Variants in RAB11FIP4 observed in about 807,000 individuals in gnomAD.
The protein encoded by RAB11FIP4 is rab11 family-interacting protein 4.
Under a neutral mutation model 74.3 loss-of-function variants are expected in RAB11FIP4, and 23 were observed. The ratio of observed to expected loss-of-function variants is 0.31; its 90% CI spans 0.22 to 0.44. The LOEUF (loss-of-function observed/expected upper bound fraction) is 0.44, where lower values mean the gene tolerates loss of function less well. Among genes scored for constraint, RAB11FIP4 ranks in the 20% least tolerant of loss-of-function variants. The pLI is 1.00. For missense variants in RAB11FIP4, 630 were observed against 863.9 expected, an observed-to-expected ratio of 0.73 and a Z score of 3.39; for synonymous variants, 360 against 359.9, an observed-to-expected ratio of 1.00 and a Z score of 0.00.
intron 1 of RAB11FIP4, among the ~76,000 whole-genome samples, chr17:31,393,831 C>T (rs767481259): frequency 1.1e-4 from 16 of 152,108 alleles, no homozygotes; most frequent in Non-Finnish European, 1.8e-4. Flanking sequence ...GAGCTGCCAT[C>T]GACTAATTCT....
intron 13 of RAB11FIP4, 96 bp downstream of exon 13, chr17:31,528,874 G>GTA: frequency 3.7e-6 from 5 of 1,357,624 alleles, no homozygotes; most frequent in Non-Finnish European, 5.0e-6. Context: ...GCCCAGAGCT[G>GTA]TAGCAGCACT....
At chr17:31,476,864 C>G (rs2071798612) in intron 3 of RAB11FIP4, among the ~76,000 whole-genome samples, 2 of 152,218 alleles carry the variant, frequency 1.3e-5, no homozygotes, top group African/African-American at 4.8e-5. Context: ...TTTCCTTTGC[C>G]CAGCCCAGCC....
intron 3 of RAB11FIP4, among the ~76,000 whole-genome samples, chr17:31,456,750 T>G (rs973602089): frequency 7.2e-5 from 11 of 152,190 alleles, no homozygotes; most frequent in African/African-American, 2.7e-4. Context: ...TAGCTATGAA[T>G]GTGTCTTTTA....
At chr17:31,527,602 A>G in intron 10 of RAB11FIP4, 1 of 476,810 alleles carries the variant, frequency 2.1e-6, no homozygotes. Flanking sequence ...TCAAAAAAAA[A>G]AGAAAGAAAA....
intron 1 of RAB11FIP4, among the ~76,000 whole-genome samples, chr17:31,396,840 G>A (rs1027112485): frequency 6.6e-6 from 1 of 152,182 alleles, no homozygotes; most frequent in Non-Finnish European, 1.5e-5. Flanking sequence ...CCTCTCCCAT[G>A]CATTAACACA....
chr17:31,397,959 C>T (rs904701822), intron 1 of RAB11FIP4, among the ~76,000 whole-genome samples: 11 of 151,868 alleles, frequency 7.2e-5, no homozygotes, highest in African/African-American at 2.2e-4. Flanking sequence ...ACTGCAGCCT[C>T]GAGCTCTTGG....
chr17:31,526,213 C>G (rs896570834), intron 10 of RAB11FIP4: 1 of 152,268 alleles, frequency 6.6e-6, no homozygotes, highest in Non-Finnish European at 1.5e-5. Flanking sequence ...ACTGCTCTCG[C>G]TCAGCCCGCC....
At chr17:31,442,729 G>A (rs748150878) in intron 3 of RAB11FIP4, among the ~76,000 whole-genome samples, 5 of 152,170 alleles carry the variant, frequency 3.3e-5, no homozygotes, top group Non-Finnish European at 5.9e-5. Flanking sequence ...GGAAGTGGAG[G>A]CAGGTGGATC....
intron 1 of RAB11FIP4, among the ~76,000 whole-genome samples, chr17:31,421,554 A>G (rs1597907358): frequency 1.3e-5 from 1 of 74,988 alleles, no homozygotes; most frequent in Non-Finnish European, 2.5e-5. Context: ...TAGTCACAGG[A>G]CTTTTTTTTT....
chr17:31,528,537 G>A lies in RAB11FIP4; in HGVS notation c.1488G>A (p.Thr496=), dbSNP rs1029656745. 6 of 1,613,804 alleles carry A rather than the reference G, an allele frequency of 3.7e-6. No individual in the cohort carries two copies. Among genetic ancestry groups the A allele is most frequent in the Admixed American group, 1.7e-5 (1 of 60,024 alleles). ...RLEFQKEREA[T]QELIEDLRKE... ...AGTTCCAGAAGGAGCGGGAGGCGACGCAGGAGGTAGGTCCCAGGCCAGCAG... is the reference window on the plus strand; with the variant it reads ...AGTTCCAGAAGGAGCGGGAGGCGACACAGGAGGTAGGTCCCAGGCCAGCAG... Residue 496 remains threonine, a synonymous_variant, in exon 12 of 15, where the codon ACG becomes ACA. Coordinates refer to ENST00000621161, the MANE Select transcript of RAB11FIP4 (RefSeq NM_032932.6).
At chr17:31,396,194 AAAAGAAAAGAAAAG>A (rs1386351256) in intron 1 of RAB11FIP4, among the ~76,000 whole-genome samples, 6 of 104,928 alleles carry the variant, frequency 5.7e-5, no homozygotes, top group African/African-American at 1.7e-4. Context: ...AAAAAAAAAA[AAAAGAAAAGAAAAG>A]AAAAGAAAAG....
In RAB11FIP4 at chr17:31,512,002, T is replaced by G. The variant is rs568488923; in HGVS notation, c.337-5649T>G. ...GGTAGGGGTGCAGGGGATGCAGACC[T>G]GCCCTGCCAGAGTGGCTGGCTGGAT... On this transcript the variant is annotated intron_variant, in intron 3 of 14. Coordinates refer to ENST00000621161, the MANE Select transcript of RAB11FIP4 (RefSeq NM_032932.6). The surrounding 1 kb of genome is among the most constrained non-coding windows in gnomAD (Gnocchi z 4.1). 3.9e-5 allele frequency among the ~76,000 whole-genome samples: 6 copies of G among 152,292 alleles called. No individual in the cohort carries two copies. Among genetic ancestry groups the G allele is most frequent in the African/African-American group, 1.4e-4 (6 of 41,574 alleles).
chr17:31,396,365 C>G (rs1597893986), intron 1 of RAB11FIP4, among the ~76,000 whole-genome samples: 1 of 152,086 alleles, frequency 6.6e-6, no homozygotes, highest in Admixed American at 6.5e-5. Context: ...ATTGCATTGT[C>G]TCCCTAACCT....
intron 3 of RAB11FIP4, among the ~76,000 whole-genome samples, chr17:31,446,570 T>C (rs1300228531): frequency 1.4e-4 from 22 of 152,082 alleles, no homozygotes; most frequent in Admixed American, 1.4e-3. Context: ...CTCCATCCTC[T>C]TTGGGCTGAG....
intron 1 of RAB11FIP4, among the ~76,000 whole-genome samples, chr17:31,402,647 A>C (rs1378908722): frequency 2.5e-5 from 3 of 118,082 alleles, no homozygotes; most frequent in Non-Finnish European, 5.4e-5. Flanking sequence ...TTTGAGACAG[A>C]GTCTTGCTTT....
intron 3 of RAB11FIP4, among the ~76,000 whole-genome samples, chr17:31,469,130 A>T (rs1038467228): frequency 6.6e-6 from 1 of 152,150 alleles, no homozygotes; most frequent in Non-Finnish European, 1.5e-5. Flanking sequence ...CCCAAGTAAC[A>T]TCAAACGTGG....
intron 3 of RAB11FIP4, 64 bp downstream of exon 3, chr17:31,434,186 G>C: frequency 1.5e-6 from 2 of 1,368,792 alleles, no homozygotes; most frequent in Non-Finnish European, 2.0e-6. Flanking sequence ...TCTTGCCTTT[G>C]CTCCATTTTC....
Position 31,414,426 on chromosome 17 carries a change from T to G in RAB11FIP4, c.160-17387T>G, listed in dbSNP as rs114360976. Among the ~76,000 whole-genome samples the G allele has an allele frequency of 3.7e-3, 567 of 152,336 alleles. 4 individuals carry two copies. The highest frequency in any genetic ancestry group is 0.013 in the African/African-American group (539 of 41,578). On this transcript the variant is annotated intron_variant, in intron 1 of 14. Transcript: ENST00000621161. ...AGGAACGGACAGATGGGCGGATGCC[T>G]GCAGAGGCCAGTCCACTTCAGAGAC...
chr17:31,505,560 TTATAA>T (rs1398305076), intron 3 of RAB11FIP4, among the ~76,000 whole-genome samples: 1 of 89,774 alleles, frequency 1.1e-5, no homozygotes, highest in South Asian at 2.5e-4. Context: ...ATAATAATAA[TTATAA>T]TATATAATAA....
Sources: gnomAD v4.1 joint callset for allele counts (sites outside exome capture counted in the v4.1 genomes callset) on GRCh38, gnomAD v4.1.1 for gene constraint, Gnocchi (gnomAD v3.1) non-coding constraint, MANE v1.5 for transcripts, NCBI Gene and HGNC (gene_info 2026-07-23, HGNC 2026-07-21) for gene names.